Variants in ATPAF2 observed in about 807,000 individuals in gnomAD.
The protein encoded by ATPAF2 is ATP12 homolog.
In ATPAF2, 30 loss-of-function variants were observed where a neutral mutation model predicts 36.6. The ratio of observed to expected loss-of-function variants is 0.82; its 90% CI spans 0.61 to 1.11. The LOEUF (loss-of-function observed/expected upper bound fraction) is 1.11. Ranked by LOEUF, ATPAF2 falls within the 50% of genes most tolerant of loss-of-function variation. ATPAF2 has a pLI of 0.00. For missense variants in ATPAF2, 321 were observed against 372.3 expected, an observed-to-expected ratio of 0.86 and a Z score of 1.13; for synonymous variants, 140 against 152.6, an observed-to-expected ratio of 0.92 and a Z score of 0.61.
chr17:18,036,091 C>T (rs2044699046), intron 1 of ATPAF2, among the ~76,000 whole-genome samples: 1 of 152,226 alleles, frequency 6.6e-6, no homozygotes, highest in Non-Finnish European at 1.5e-5. Context: ...TCTCCAACAC[C>T]TCAGTGACCC....
chr17:18,033,081 A>T (rs1265723725), intron 1 of ATPAF2, among the ~76,000 whole-genome samples: 1 of 152,066 alleles, frequency 6.6e-6, no homozygotes, highest in Non-Finnish European at 1.5e-5. Flanking sequence ...CAGGAACTTG[A>T]TCTGGGGCCG....
chr17:18,029,718 GTAGC>G (rs1299511830), intron 1 of ATPAF2, among the ~76,000 whole-genome samples: 1 of 151,770 alleles, frequency 6.6e-6, no homozygotes, highest in Admixed American at 6.6e-5. Context: ...AGTCCCCTGA[GTAGC>G]TGGGATTACA....
intron 7 of ATPAF2, among the ~76,000 whole-genome samples, chr17:18,019,185 A>ACACC (rs1313379853): frequency 1.7e-4 from 25 of 146,356 alleles, no homozygotes; most frequent in African/African-American, 4.1e-4. Context: ...ACACACACAC[A>ACACC]CCCCACCACC....
chr17:18,024,666 T>C lies in ATPAF2; in HGVS notation c.461A>G (p.Gln154Arg), dbSNP rs770584535. The change falls in exon 5 of 8, where the codon CAA becomes CGA. Residue 154 changes from glutamine (Q) to arginine (R), a missense_variant. Transcript: ENST00000474627. ...VEEPETLVEL[Q>R]RNEWDPIIEW... Reference sequence around the variant, plus strand: ...GATGATTGGATCCCACTCATTCCTTTGAAGTTCCACTAATGTCTCGGGCTC... The same window carrying C: ...GATGATTGGATCCCACTCATTCCTTCGAAGTTCCACTAATGTCTCGGGCTC... 4 of 1,614,158 alleles carry C rather than the reference T, an allele frequency of 2.5e-6. No homozygotes were observed. The Admixed American group carries it at 6.7e-5, about 27-fold the overall frequency.
chr17:18,031,101 T>C (rs1277116856), intron 1 of ATPAF2, among the ~76,000 whole-genome samples: 1 of 149,846 alleles, frequency 6.7e-6, no homozygotes, highest in Non-Finnish European at 1.5e-5. Flanking sequence ...GCCTCCCGAG[T>C]ACCTGGGACT....
intron 1 of ATPAF2, 100 bp from the exon 2 acceptor site, chr17:18,028,759 T>C: frequency 8.9e-7 from 1 of 1,121,466 alleles, no homozygotes; most frequent in Non-Finnish European, 1.3e-6. Flanking sequence ...TGTTGATTGA[T>C]TGGCTTGATT....
At chr17:18,032,814 A>G (rs2044655091) in intron 1 of ATPAF2, among the ~76,000 whole-genome samples, 2 of 151,846 alleles carry the variant, frequency 1.3e-5, no homozygotes, top group African/African-American at 4.8e-5. Context: ...GGCAGGAGGT[A>G]CCAAACTTTC....
At chr17:18,024,161 A>G (rs895876168) in intron 5 of ATPAF2, among the ~76,000 whole-genome samples, 2 of 152,264 alleles carry the variant, frequency 1.3e-5, no homozygotes, top group African/African-American at 4.8e-5. Context: ...AAGCCTTTAC[A>G]TGCATCAATT....
chr17:18,021,008 C>T lies in ATPAF2; in HGVS notation c.732+115G>A. On this transcript the variant is annotated intron_variant, in intron 7 of 7. Coordinates refer to ENST00000474627, the MANE Select transcript of ATPAF2 (RefSeq NM_145691.4). ...TCCTTGATTTTGATTTCTGCGTGTA[C>T]ATAAAAGTAATAAAAGCCAAGTATG... 2.7e-6 allele frequency: 4 copies of T among 1,480,222 alleles called. No individual in the cohort carries two copies. In the South Asian group the frequency reaches 4.1e-5, roughly 15 times the overall value. The allele number at this position is 1,480,222 out of a possible 1,614,324, so 91.7% of individuals were successfully genotyped here. A position where few individuals can be genotyped will look rare whatever the true frequency, so the allele number is the denominator to read the frequency against.
At chr17:18,037,492 C>A (rs994825202) in intron 1 of ATPAF2, among the ~76,000 whole-genome samples, 3 of 151,894 alleles carry the variant, frequency 2.0e-5, no homozygotes, top group Admixed American at 1.3e-4. Flanking sequence ...GCTGAGACCA[C>A]AAAATCGCTT....
Position 18,018,418 on chromosome 17 carries a change from A to C in ATPAF2, c.*131T>G. 7.7e-7 allele frequency: 1 copy of C among 1,300,468 alleles called. No individual in the cohort carries two copies. 80.6% of individuals were successfully genotyped at this position (1,300,468 alleles called of 1,614,324 possible). Reference sequence around the variant, plus strand: ...TACTAGCGCACTGTGTCTCGGGGGGAATCTCAGGGTGACGCTGAGGCCGAG... The same window carrying C: ...TACTAGCGCACTGTGTCTCGGGGGGCATCTCAGGGTGACGCTGAGGCCGAG... On this transcript the variant is annotated 3_prime_UTR_variant, in exon 8 of 8. Coordinates refer to ENST00000474627, the MANE Select transcript of ATPAF2 (RefSeq NM_145691.4).
chr17:18,038,772 C>A lies in ATPAF2; in HGVS notation c.133+109G>T. On this transcript the variant is annotated intron_variant, in intron 1 of 7. Coordinates refer to ENST00000474627, the MANE Select transcript of ATPAF2 (RefSeq NM_145691.4). The stretch of plus-strand genomic sequence containing the variant: ...AAAAAGACCTGACTGGCCTGCATAA[C>A]CTCATGAGCCTGAACCCTGCCTCAG... 6.6e-6 allele frequency: 10 copies of A among 1,509,384 alleles called. No individual in the cohort carries two copies. In the South Asian group the frequency reaches 1.2e-4, roughly 17 times the overall value. 93.5% of individuals were successfully genotyped at this position (1,509,384 alleles called of 1,614,324 possible). A position where few individuals can be genotyped will look rare whatever the true frequency, so the allele number is the denominator to read the frequency against.
At chr17:18,036,284 G>T (rs1169604217) in intron 1 of ATPAF2, among the ~76,000 whole-genome samples, 1 of 152,120 alleles carries the variant, frequency 6.6e-6, no homozygotes, top group Non-Finnish European at 1.5e-5. Context: ...GAGAACACGT[G>T]GGGGTCGGGG....
At chr17:18,031,919 C>T (rs1210270449) in intron 1 of ATPAF2, among the ~76,000 whole-genome samples, 1 of 152,198 alleles carries the variant, frequency 6.6e-6, no homozygotes, top group African/African-American at 2.4e-5. Context: ...TTACAGCACC[C>T]TACTGCTTTT....
chr17:18,016,513 C>T (rs748988353), downstream of ATPAF2: 28 of 1,348,976 alleles, frequency 2.1e-5, 1 homozygote, highest in South Asian at 3.1e-4. Flanking sequence ...AAGATATTAA[C>T]CAATGATCTG....
intron 7 of ATPAF2, chr17:18,020,864 T>C (rs1339080865): frequency 1.1e-5 from 8 of 699,792 alleles, no homozygotes; most frequent in Middle Eastern, 4.9e-4. Flanking sequence ...TTTTGCCATG[T>C]TGCCCAGGCT....
chr17:18,038,226 A>T (rs1273649313), intron 1 of ATPAF2, among the ~76,000 whole-genome samples: 1 of 152,212 alleles, frequency 6.6e-6, no homozygotes, highest in Non-Finnish European at 1.5e-5. Flanking sequence ...TCATTCACTG[A>T]AATGAGTCAT....
In ATPAF2 at chr17:18,024,628, T is replaced by C; in HGVS notation, c.499A>G (p.Lys167Glu). ...CTGCAGGGCTGTACATCTTACCTTT[T>C]CTCAGCCCATTCGATGATTGGATCC... ...EWDPIIEWAE[K>E]RYGVEISSST... Residue 167 changes from lysine to glutamate, a missense_variant, in exon 5 of 8, where the codon AAA (lysine) becomes GAA (glutamate). Around this residue, in one of 3 missense-constraint regions of ATPAF2, gnomAD observed 199 missense variants for 220.6 expected, o/e 0.90. Coordinates refer to ENST00000474627, the MANE Select transcript of ATPAF2 (RefSeq NM_145691.4). The C allele has an allele frequency of 6.2e-7, 1 of 1,613,768 alleles. No individual in the cohort carries two copies. Among genetic ancestry groups the C allele is most frequent in the Non-Finnish European group, 8.5e-7 (1 of 1,179,790 alleles).
At chr17:18,038,754 C>T in intron 1 of ATPAF2, 127 bp downstream of exon 1, 17 of 1,364,498 alleles carry the variant, frequency 1.2e-5, no homozygotes, top group Non-Finnish European at 1.7e-5. Context: ...TGTAAAAAGA[C>T]CTGACTGGCC....
Sources: gnomAD v4.1 joint callset for allele counts (sites outside exome capture counted in the v4.1 genomes callset) on GRCh38, gnomAD v4.1.1 for gene constraint, gnomAD v4.1.1 regional missense constraint, MANE v1.5 for transcripts, NCBI Gene and HGNC (gene_info 2026-07-23, HGNC 2026-07-21) for gene names.